The following CIB1 variants were observed in gnomAD, a reference collection of about 807,000 sequenced individuals.
The protein encoded by CIB1 is calcium and integrin-binding protein 1.
A neutral mutation model predicts 25.0 loss-of-function variants in CIB1; 19 were observed. That is an observed-to-expected ratio of 0.76 (90% CI 0.53 to 1.12). The LOEUF is 1.12. Ranked by LOEUF, CIB1 falls within the 50% of genes most tolerant of loss-of-function variation. CIB1 has a pLI of 0.00. For synonymous variants in CIB1, 104 were observed against 98.5 expected (o/e 1.06, Z -0.33); for missense variants, 236 against 242.6 (o/e 0.97, Z 0.18).
chr15:90,241,139 C>T, the CIB1 span: 3 of 1,614,166 alleles, frequency 1.9e-6, no homozygotes, highest in East Asian at 2.2e-5. Flanking sequence ...GGCTGTTTCG[C>T]TACCGTCTAC....
chr15:90,239,081 A>G, the CIB1 span, among the ~76,000 whole-genome samples: 4 of 152,208 alleles, frequency 2.6e-5, no homozygotes, highest in Non-Finnish European at 5.9e-5. Flanking sequence ...CACATTGTGT[A>G]TAATAGAATG....
chr15:90,252,143 G>A, the CIB1 span, among the ~76,000 whole-genome samples: 1,813 of 149,852 alleles, frequency 0.012, 25 homozygotes, highest in Non-Finnish European at 0.015. Context: ...AGGTTCAAGC[G>A]ATTCTCCTGC....
At chr15:90,263,861 T>A in the CIB1 span, 1 of 901,062 alleles carries the variant, frequency 1.1e-6, no homozygotes, top group Non-Finnish European at 1.8e-6. Flanking sequence ...CATCCAGTTC[T>A]GCCCCATGAA....
At chr15:90,232,569 G>T in intron 2 of CIB1, 1 of 487,496 alleles carries the variant, frequency 2.1e-6, no homozygotes, top group Non-Finnish European at 3.3e-6. Flanking sequence ...TGATTCTAGA[G>T]ATCCCCAAGG....
chr15:90,256,577 CTTT>C, the CIB1 span, among the ~76,000 whole-genome samples: 1,332 of 56,844 alleles, frequency 0.023, 36 homozygotes, highest in South Asian at 0.098. Context: ...TTCTTTCTTT[CTTT>C]CTTTCTTTCT....
chr15:90,256,572 T>TCCTTCCTTCCTTCCTTC, the CIB1 span, among the ~76,000 whole-genome samples: 1 of 30,816 alleles, frequency 3.2e-5, no homozygotes, highest in African/African-American at 1.2e-4. Context: ...TTTCTTTCTT[T>TCCTTCCTTCCTTCCTTC]CTTTCTTTCT....
chr15:90,262,601 C>T, the CIB1 span: 9 of 1,533,504 alleles, frequency 5.9e-6, no homozygotes, highest in Non-Finnish European at 7.0e-6. Flanking sequence ...GGAGAAAAGC[C>T]GACCCAGGGC....
chr15:90,232,340 G>C lies in CIB1; in HGVS notation c.87-13C>G, dbSNP rs200217485. On this transcript the variant is annotated splice_polypyrimidine_tract_variant and intron_variant, in intron 2 of 6. Transcript: ENST00000328649. ...CCGCCTGTGGGCTCTGGTAGAGAGA[G>C]GGGAACTGTCGGTGTTCTCAGCGAT... The C allele has an allele frequency of 6.3e-7, 1 of 1,593,970 alleles. No homozygotes were observed. The highest frequency in any genetic ancestry group is 1.1e-5 in the South Asian group (1 of 89,220).
chr15:90,261,882 C>T, the CIB1 span: 1 of 751,712 alleles, frequency 1.3e-6, no homozygotes, highest in Non-Finnish European at 2.0e-6. Flanking sequence ...GCTTTCCCTA[C>T]TTGGGCAGGG....
chr15:90,240,050 C>G, the CIB1 span, among the ~76,000 whole-genome samples: 3 of 151,350 alleles, frequency 2.0e-5, no homozygotes, highest in Admixed American at 2.0e-4. Context: ...ATGGTGAAAC[C>G]CTGTCTCTAC....
At chr15:90,261,380 C>CT in the CIB1 span, among the ~76,000 whole-genome samples, 2,209 of 141,332 alleles carry the variant, frequency 0.016, 54 homozygotes, top group African/African-American at 0.049. Context: ...TGCCCGGCCA[C>CT]TTTTTTTTTT....
the CIB1 span, among the ~76,000 whole-genome samples, chr15:90,253,727 G>T: frequency 5.3e-5 from 8 of 152,182 alleles, no homozygotes; most frequent in Non-Finnish European, 1.0e-4. Context: ...AGCCTTCTAA[G>T]CAACTTAGTT....
the CIB1 span, chr15:90,263,419 T>C: frequency 5.0e-5 from 24 of 480,326 alleles, no homozygotes; most frequent in Admixed American, 3.7e-4. Flanking sequence ...TGTCCCAAAA[T>C]AACCCCACAC....
At chr15:90,247,142 A>G in the CIB1 span, among the ~76,000 whole-genome samples, 1 of 151,384 alleles carries the variant, frequency 6.6e-6, no homozygotes, top group East Asian at 1.9e-4. Flanking sequence ...TGCCCAGCTA[A>G]TTTTTGTATT....
In CIB1 at chr15:90,233,853, C is replaced by T; in HGVS notation, c.33G>A (p.Glu11=). Residue 11 remains glutamate, a synonymous_variant, in exon 1 of 7, where the codon GAG becomes GAA. Transcript: ENST00000328649. Reference sequence around the variant, plus strand: ...CGCGCACCTGGTACTCGGCCAGCAGCTCCTTGGACAGGCGACTGCCCGAGC... The same window carrying T: ...CGCGCACCTGGTACTCGGCCAGCAGTTCCTTGGACAGGCGACTGCCCGAGC... MGGSGSRLSK[E]LLAEYQDLTF... is the part of the protein sequence containing the mutation. The T allele has an allele frequency of 2.0e-6, 3 of 1,526,320 alleles. No individual in the cohort carries two copies. Among genetic ancestry groups the T allele is most frequent in the Non-Finnish European group, 2.6e-6 (3 of 1,136,598 alleles). The allele number at this position is 1,526,320 out of a possible 1,614,324, so 94.5% of individuals were successfully genotyped here.
At chr15:90,240,106 C>CTATAAT in the CIB1 span, among the ~76,000 whole-genome samples, 3,666 of 151,984 alleles carry the variant, frequency 0.024, 142 homozygotes, top group African/African-American at 0.08. Flanking sequence ...TCCTATAATC[C>CTATAAT]CAGCTACTTG....
At chr15:90,231,538 C>G in intron 3 of CIB1, 31 bp from the exon 4 acceptor site, 1 of 1,608,214 alleles carries the variant, frequency 6.2e-7, no homozygotes, top group Non-Finnish European at 8.5e-7. Flanking sequence ...GGACGTGGCC[C>G]AGGTCACACG....
chr15:90,247,174 C>T, the CIB1 span, among the ~76,000 whole-genome samples: 22 of 149,030 alleles, frequency 1.5e-4, no homozygotes, highest in Non-Finnish European at 2.4e-4. Context: ...CAGGGTTTCA[C>T]CATATTGGCC....
chr15:90,256,254 T>C, the CIB1 span: 16 of 1,613,950 alleles, frequency 9.9e-6, no homozygotes, highest in African/African-American at 1.3e-5. Flanking sequence ...CCCCGGGAGA[T>C]CAAGCCAGGA....
Sources: gnomAD v4.1 joint callset for allele counts (sites outside exome capture counted in the v4.1 genomes callset) on GRCh38, gnomAD v4.1.1 for gene constraint, MANE v1.5 for transcripts, NCBI Gene and HGNC (gene_info 2026-07-23, HGNC 2026-07-21) for gene names.